Variants in OSBPL10 observed in about 807,000 individuals in gnomAD.
The protein encoded by OSBPL10 is oxysterol binding protein like 10, also known as oxysterol-binding protein-related protein 10.
In OSBPL10, 49 loss-of-function variants were observed where a neutral mutation model predicts 81.7. The ratio of observed to expected loss-of-function variants is 0.60; its 90% confidence interval spans 0.48 to 0.76. The LOEUF (loss-of-function observed/expected upper bound fraction) is 0.76, where lower values mean the gene tolerates loss of function less well. Among genes scored for constraint, OSBPL10 ranks in the 30% least tolerant of loss-of-function variants. The pLI is 0.00. For synonymous variants in OSBPL10, 419 were observed against 383.6 expected (o/e 1.09, Z -1.08); for missense variants, 923 against 987.8 (o/e 0.93, Z 0.88).
intron 1 of OSBPL10, among the ~76,000 whole-genome samples, chr3:31,886,513 C>T (rs1227771455): frequency 6.6e-6 from 1 of 152,228 alleles, no homozygotes; most frequent in African/African-American, 2.4e-5. Flanking sequence ...AGATCTGCCT[C>T]GCCTTCCTCA....
intron 5 of OSBPL10, 50 bp downstream of exon 5, chr3:31,747,860 C>A (rs1188037017): frequency 6.4e-7 from 1 of 1,553,050 alleles, no homozygotes; most frequent in Non-Finnish European, 8.9e-7. Flanking sequence ...GGGACACAGA[C>A]ACAGTGTGTG....
intron 4 of OSBPL10, chr3:31,797,666 A>T (rs1227953014): frequency 2.7e-6 from 1 of 375,390 alleles, no homozygotes; most frequent in African/African-American, 2.1e-5. Flanking sequence ...CACATAAAAG[A>T]GGGTACATTA....
intron 6 of OSBPL10, among the ~76,000 whole-genome samples, chr3:31,727,963 C>A (rs113847775): frequency 2.0e-5 from 3 of 152,158 alleles, no homozygotes; most frequent in African/African-American, 7.2e-5. Context: ...GCTATAATGA[C>A]CATTCAATCA....
intron 1 of OSBPL10, among the ~76,000 whole-genome samples, chr3:31,970,244 A>G (rs1456408353): frequency 6.6e-6 from 1 of 152,118 alleles, no homozygotes; most frequent in African/African-American, 2.4e-5. Flanking sequence ...CCCTCCCCAC[A>G]AGGAAAATTC....
At chr3:32,058,739 C>T (rs1699732118) in intron 1 of OSBPL10, among the ~76,000 whole-genome samples, 1 of 152,194 alleles carries the variant, frequency 6.6e-6, no homozygotes, top group Non-Finnish European at 1.5e-5. Context: ...GCCATCATAG[C>T]TTACTGCAGC....
chr3:31,855,618 TAC>T (rs892260228), intron 3 of OSBPL10, among the ~76,000 whole-genome samples: 2 of 152,166 alleles, frequency 1.3e-5, no homozygotes, highest in African/African-American at 4.8e-5. Flanking sequence ...AACATTATGG[TAC>T]ACAGACATGC....
At chr3:31,884,540 G>C (rs929966521) in intron 1 of OSBPL10, among the ~76,000 whole-genome samples, 1 of 152,170 alleles carries the variant, frequency 6.6e-6, no homozygotes, top group African/African-American at 2.4e-5. Context: ...GAATTCCTGT[G>C]GGTCACATTC....
chr3:31,871,067 G>A (rs945493103), intron 3 of OSBPL10, among the ~76,000 whole-genome samples: 3 of 152,142 alleles, frequency 2.0e-5, no homozygotes, highest in Non-Finnish European at 4.4e-5. Context: ...CGTGGGTGGG[G>A]CCAGATAAGA....
At chr3:31,875,082 T>TAAAAAAAAAAAAA (rs555527834) in intron 3 of OSBPL10, among the ~76,000 whole-genome samples, 1 of 103,078 alleles carries the variant, frequency 9.7e-6, no homozygotes, top group Non-Finnish European at 2.0e-5. Flanking sequence ...ATATATTAAG[T>TAAAAAAAAAAAAA]AAAAAAAAAA....
intron 1 of OSBPL10, among the ~76,000 whole-genome samples, chr3:31,900,057 G>A (rs1038174765): frequency 2.7e-5 from 4 of 148,424 alleles, no homozygotes; most frequent in Admixed American, 6.7e-5. Context: ...ACAGGGTCTG[G>A]CTCTGTCACC....
At chr3:31,710,843 T>C (rs959669531) in intron 6 of OSBPL10, 1 of 152,094 alleles carries the variant, frequency 6.6e-6, no homozygotes, top group African/African-American at 2.4e-5. Flanking sequence ...GGGAATGCAA[T>C]GGGTTTAGAC....
At chr3:31,835,123 T>C (rs1158341277) in intron 3 of OSBPL10, among the ~76,000 whole-genome samples, 1 of 152,176 alleles carries the variant, frequency 6.6e-6, no homozygotes, top group Non-Finnish European at 1.5e-5. Flanking sequence ...GTATCTTAAG[T>C]AGTCACAGTC....
chr3:32,023,548 TTTTC>T (rs1699376383), intron 2 of OSBPL10, among the ~76,000 whole-genome samples: 1 of 152,176 alleles, frequency 6.6e-6, no homozygotes, highest in Non-Finnish European at 1.5e-5. Flanking sequence ...AACTCAAGAC[TTTTC>T]TTTATTTCCA....
At chr3:31,903,131 A>C (rs1696299792) in intron 1 of OSBPL10, among the ~76,000 whole-genome samples, 1 of 152,188 alleles carries the variant, frequency 6.6e-6, no homozygotes, top group Non-Finnish European at 1.5e-5. Context: ...CATTCAAAAG[A>C]TATACTAAGC....
intron 1 of OSBPL10, among the ~76,000 whole-genome samples, chr3:31,886,382 C>T (rs1471443647): frequency 6.6e-6 from 1 of 152,154 alleles, no homozygotes; most frequent in Non-Finnish European, 1.5e-5. Context: ...ACAAGATGGT[C>T]AAGTCCAGGG....
chr3:32,039,241 G>A (rs1044253902), intron 2 of OSBPL10, among the ~76,000 whole-genome samples: 6 of 151,992 alleles, frequency 3.9e-5, no homozygotes, highest in African/African-American at 1.4e-4. Context: ...CACAAGAATC[G>A]CTTGAACCTG....
intron 1 of OSBPL10, among the ~76,000 whole-genome samples, chr3:31,903,410 C>T (rs1399171531): frequency 6.6e-6 from 1 of 150,538 alleles, no homozygotes; most frequent in African/African-American, 2.5e-5. Context: ...GCTTGTGCAG[C>T]CTTGACCCCC....
At chr3:32,067,138 T>A (rs989730356) in intron 1 of OSBPL10, among the ~76,000 whole-genome samples, 5 of 150,380 alleles carry the variant, frequency 3.3e-5, no homozygotes, top group Non-Finnish European at 7.4e-5. Context: ...GGAACACCTT[T>A]AAAAAAAAAA....
chr3:31,791,337 T>TA (rs1026359843), intron 4 of OSBPL10, among the ~76,000 whole-genome samples: 2 of 152,166 alleles, frequency 1.3e-5, no homozygotes, highest in African/African-American at 4.8e-5. Flanking sequence ...TCCCATTTTG[T>TA]AAAAGCAAAT....
Sources: allele counts gnomAD v4.1 joint callset (sites outside exome capture counted in the v4.1 genomes callset), GRCh38; gene constraint gnomAD v4.1.1; transcripts MANE v1.5; gene names NCBI Gene and HGNC (gene_info 2026-07-23, HGNC 2026-07-21).